The following CEP89 variants were observed in gnomAD, a reference collection of about 807,000 sequenced individuals.
CEP89 encodes centrosomal protein of 89 kDa.
CEP89 carries 95 observed loss-of-function variants against 97.6 expected under a neutral mutation model. That is an observed-to-expected ratio of 0.97 (90% confidence interval 0.82 to 1.15). The LOEUF (loss-of-function observed/expected upper bound fraction) is 1.15, where lower values mean the gene tolerates loss of function less well. CEP89 is among the 50% of genes most tolerant of loss of function. CEP89 has a pLI of 0.00. For missense variants in CEP89, 869 were observed against 947.7 expected (o/e 0.92, Z 1.09); for synonymous variants, 354 against 349.1 (o/e 1.01, Z -0.16).
chr19:32,966,435 G>T lies in CEP89; in HGVS notation c.71C>A (p.Ala24Asp). The T allele has an allele frequency of 6.4e-7, 1 of 1,561,868 alleles. No individual in the cohort carries two copies. Among genetic ancestry groups the T allele is most frequent in the Non-Finnish European group, 8.7e-7 (1 of 1,151,358 alleles). The change falls in exon 2 of 19, where the codon GCC becomes GAC. Residue 24 changes from alanine (A) to aspartate (D), a missense_variant. Coordinates refer to ENST00000305768, the MANE Select transcript of CEP89 (RefSeq NM_032816.5). ...CACAGCTGCCTTCGGAGCAACGCTG[G>T]CTGCAGGTAAAAGGCCATGGATGAT... ...KHIIHGLLPA[A>D]SVAPKAAVPR... is the part of the protein sequence containing the mutation.
At chr19:32,921,206 A>G (rs1413003475) in intron 12 of CEP89, among the ~76,000 whole-genome samples, 2 of 148,812 alleles carry the variant, frequency 1.3e-5, no homozygotes, top group Non-Finnish European at 3.0e-5. Flanking sequence ...TGGGCAGCAG[A>G]GCAAGACTCT....
chr19:32,886,693 C>G (rs1352723940), intron 17 of CEP89, among the ~76,000 whole-genome samples: 1 of 152,066 alleles, frequency 6.6e-6, no homozygotes, highest in African/African-American at 2.4e-5. Context: ...AGGCCAACTA[C>G]TCCGAGGATC....
chr19:32,948,403 G>T, intron 4 of CEP89, 35 bp from the exon 5 acceptor site: 1 of 1,378,552 alleles, frequency 7.3e-7, no homozygotes, highest in Non-Finnish European at 1.0e-6. Context: ...GCAAAAAAGT[G>T]AGAAAGGTAA....
At chr19:32,926,302 T>C (rs750479331) in intron 10 of CEP89, 29 bp from the exon 11 acceptor site, 1 of 1,504,830 alleles carries the variant, frequency 6.6e-7, no homozygotes, top group Admixed American at 1.7e-5. Context: ...GGAAGGTTAA[T>C]ATATTTCTTA....
intron 9 of CEP89, among the ~76,000 whole-genome samples, chr19:32,929,762 C>T (rs1970432762): frequency 6.6e-6 from 1 of 152,126 alleles, no homozygotes; most frequent in South Asian, 2.1e-4. Flanking sequence ...AAGGCCCTGA[C>T]CTAGCAAGCA....
rs775914260 is a variant in CEP89, at chr19:32,877,017, C to T, written c.*2145G>A. 2.0e-5 allele frequency: 3 copies of T among 152,242 alleles called. No individual in the cohort carries two copies. Among genetic ancestry groups the T allele is most frequent in the Non-Finnish European group, 4.4e-5 (3 of 68,046 alleles). The allele number at this position is 152,242 out of a possible 1,614,324, so 9.4% of individuals were successfully genotyped here. A position where few individuals can be genotyped will look rare whatever the true frequency, so the allele number is the denominator to read the frequency against. On this transcript the variant is annotated 3_prime_UTR_variant, in exon 19 of 19. Coordinates refer to ENST00000305768, the MANE Select transcript of CEP89 (RefSeq NM_032816.5). The stretch of plus-strand genomic sequence containing the variant: ...CAAGCACTCCTGCCCCGCGCAGCCA[C>T]GCTGGGCTGCCGCCGCCTGTCAGCC...
intron 16 of CEP89, among the ~76,000 whole-genome samples, chr19:32,893,951 A>T (rs972664613): frequency 1.3e-5 from 2 of 152,238 alleles, no homozygotes; most frequent in African/African-American, 4.8e-5. Flanking sequence ...GATTTCAAAT[A>T]AACAACCTAA....
intron 16 of CEP89, among the ~76,000 whole-genome samples, chr19:32,890,813 C>T (rs980875876): frequency 2.0e-5 from 3 of 152,106 alleles, no homozygotes; most frequent in African/African-American, 7.2e-5. Context: ...CGGGGGCTCA[C>T]GCTGGGTCCC....
intron 1 of CEP89, among the ~76,000 whole-genome samples, chr19:32,966,771 C>A (rs1030010499): frequency 6.6e-6 from 1 of 152,202 alleles, no homozygotes; most frequent in Non-Finnish European, 1.5e-5. Flanking sequence ...GCACTCCCCC[C>A]AGTGATGTCT....
At chr19:32,965,143 G>A (rs1249141523) in intron 2 of CEP89, among the ~76,000 whole-genome samples, 1 of 152,072 alleles carries the variant, frequency 6.6e-6, no homozygotes, top group Admixed American at 6.5e-5. Flanking sequence ...AAACTCCTGG[G>A]CACAAGCAAT....
intron 12 of CEP89, among the ~76,000 whole-genome samples, chr19:32,918,690 G>C (rs1970181661): frequency 6.6e-6 from 1 of 151,990 alleles, no homozygotes; most frequent in African/African-American, 2.4e-5. Flanking sequence ...CTCTAGTCCT[G>C]CTGCCCACTA....
At chr19:32,929,613 AAGAG>A (rs1555792225) in intron 9 of CEP89, among the ~76,000 whole-genome samples, 1 of 151,488 alleles carries the variant, frequency 6.6e-6, no homozygotes, top group African/African-American at 2.4e-5. Flanking sequence ...AAAAAAAAAA[AAGAG>A]AGAGAGAGAT....
At chr19:32,944,000 G>A (rs1161731061) in intron 5 of CEP89, among the ~76,000 whole-genome samples, 1 of 152,086 alleles carries the variant, frequency 6.6e-6, no homozygotes, top group Non-Finnish European at 1.5e-5. Context: ...GGCCAAGGCA[G>A]GTCAAATGTT....
chr19:32,937,469 C>G (rs936288742), intron 7 of CEP89, 162 bp downstream of exon 7: 2 of 629,958 alleles, frequency 3.2e-6, no homozygotes, highest in South Asian at 1.9e-5. Context: ...TATGGACATA[C>G]GTCCACTACC....
rs113919201 is a variant in CEP89, at chr19:32,915,422, G to A, written c.1480C>T (p.Arg494Cys). Reference protein sequence around the residue: ...AENREQLEILRAKCQELKTHS... With the variant: ...AENREQLEILCAKCQELKTHS... ...GTTTTGAGTTCTTGGCATTTGGCAC[G>A]TAAAATCTCCAGCTGTTCCCTGTTC... Residue 494 changes from arginine to cysteine, a missense_variant, in exon 14 of 19, where the codon CGT becomes TGT. Arg to Cys is a radical substitution (Grantham distance 180, BLOSUM62 -3). Coordinates refer to ENST00000305768, the MANE Select transcript of CEP89 (RefSeq NM_032816.5). 1.1e-3 allele frequency: 1,708 copies of A among 1,613,656 alleles called. 19 individuals are homozygous for A. In the African/African-American group the frequency reaches 0.02, roughly 18 times the overall value.
Position 32,966,102 on chromosome 19 carries a change from T to C in CEP89, c.146+258A>G, listed in dbSNP as rs1263888038. On this transcript the variant is annotated intron_variant, in intron 2 of 18. Transcript: ENST00000305768. The stretch of plus-strand genomic sequence containing the variant: ...ATACTTGGGCTTTAATGCTTTACAT[T>C]TTTTTTTAAATACTCATTGCATTCA... 13 of 355,366 alleles carry C rather than the reference T, an allele frequency of 3.7e-5. No homozygotes were observed. The East Asian group carries it at 5.4e-4, about 15-fold the overall frequency. 22.0% of individuals were successfully genotyped at this position (355,366 alleles called of 1,614,324 possible). A position where few individuals can be genotyped will look rare whatever the true frequency, so the allele number is the denominator to read the frequency against.
intron 2 of CEP89, chr19:32,966,100 AT>A (rs202154728): frequency 7.9e-4 from 276 of 349,004 alleles, no homozygotes; most frequent in Admixed American, 1.1e-3. Flanking sequence ...AATGCTTTAC[AT>A]TTTTTTTTAA....
intron 16 of CEP89, among the ~76,000 whole-genome samples, chr19:32,890,329 G>A (rs1286106748): frequency 1.3e-5 from 2 of 152,178 alleles, no homozygotes; most frequent in Non-Finnish European, 2.9e-5. Context: ...GAACCCAGGA[G>A]GCGGAGGTTG....
intron 4 of CEP89, among the ~76,000 whole-genome samples, chr19:32,949,818 G>A (rs1970874034): frequency 1.3e-5 from 2 of 152,060 alleles, no homozygotes; most frequent in African/African-American, 2.4e-5. Context: ...GGCAATGGAA[G>A]GGCTGTCCCT....
Sources: gnomAD v4.1 joint callset for allele counts (sites outside exome capture counted in the v4.1 genomes callset) on GRCh38, gnomAD v4.1.1 for gene constraint, MANE v1.5 for transcripts, NCBI Gene and HGNC (gene_info 2026-07-23, HGNC 2026-07-21) for gene names.